SGCD: variants seen among roughly 807,000 people sequenced by gnomAD.
SGCD encodes the protein sarcoglycan delta.
In SGCD, 18 loss-of-function variants were observed where a neutral mutation model predicts 36.6. The ratio of observed to expected loss-of-function variants is 0.49; its 90% CI spans 0.34 to 0.73. The LOEUF is 0.73. SGCD is among the 30% of genes least tolerant of loss of function. SGCD has a pLI of 0.01. For missense variants in SGCD, 387 were observed against 346.7 expected, an observed-to-expected ratio of 1.12 and a Z score of -0.92; for synonymous variants, 133 against 130.6, an observed-to-expected ratio of 1.02 and a Z score of -0.12.
At chr5:156,239,356 C>G (rs553388567) in intron 3 of SGCD, among the ~76,000 whole-genome samples, 1 of 139,738 alleles carries the variant, frequency 7.2e-6, no homozygotes, top group African/African-American at 2.7e-5. Context: ...GCAGAGATTG[C>G]GCCACTGCCC....
chr5:155,852,473 T>C, the SGCD span, among the ~76,000 whole-genome samples: 1 of 152,196 alleles, frequency 6.6e-6, no homozygotes, highest in African/African-American at 2.4e-5. Context: ...TTCTTGAAGA[T>C]AATAGCCTAA....
At chr5:156,159,431 G>C (rs1332530781) in intron 3 of SGCD, among the ~76,000 whole-genome samples, 3 of 151,236 alleles carry the variant, frequency 2.0e-5, no homozygotes, top group Middle Eastern at 3.2e-3. Context: ...CTGGAAATTT[G>C]AGTCTCAGCC....
chr5:156,687,112 T>A (rs1323553938), intron 7 of SGCD, among the ~76,000 whole-genome samples: 3 of 152,064 alleles, frequency 2.0e-5, no homozygotes, highest in Non-Finnish European at 4.4e-5. Flanking sequence ...AATAATGGAT[T>A]TATAGAAATA....
At chr5:156,079,422 A>G (rs79631630) in intron 1 of SGCD, among the ~76,000 whole-genome samples, 10,088 of 152,240 alleles carry the variant, frequency 0.066, 1,066 homozygotes, top group African/African-American at 0.22. Context: ...CTAACAGTCC[A>G]CCAAAGCTTA....
At chr5:156,757,830 T>C in intron 8 of SGCD, 126 bp downstream of exon 8, 1 of 1,358,624 alleles carries the variant, frequency 7.4e-7, no homozygotes, top group South Asian at 2.3e-5. Context: ...CAGGTTTTAT[T>C]TCTGAAACAA....
At chr5:156,159,641 A>C (rs1763043779) in intron 3 of SGCD, among the ~76,000 whole-genome samples, 1 of 151,704 alleles carries the variant, frequency 6.6e-6, no homozygotes, top group Non-Finnish European at 1.5e-5. Flanking sequence ...AGCTAGAATA[A>C]ACATTGGATA....
intron 6 of SGCD, among the ~76,000 whole-genome samples, chr5:156,626,215 G>A (rs1054967509): frequency 1.3e-5 from 2 of 152,148 alleles, no homozygotes; most frequent in African/African-American, 4.8e-5. Flanking sequence ...TGACTGCAGC[G>A]CCCCTGTAAA....
At chr5:155,935,859 C>T (rs553378501) in intron 1 of SGCD, among the ~76,000 whole-genome samples, 8 of 152,278 alleles carry the variant, frequency 5.3e-5, no homozygotes, top group South Asian at 2.1e-4. Context: ...CAAGGGTGAG[C>T]GGAGTTGTCA....
intron 3 of SGCD, among the ~76,000 whole-genome samples, chr5:156,202,352 A>G (rs867109151): frequency 2.0e-5 from 3 of 152,182 alleles, no homozygotes; most frequent in African/African-American, 7.2e-5. Context: ...CTGTTTTACA[A>G]TTTTAAATTT....
rs528397283 is a variant in SGCD, at chr5:156,139,333, T to C, written c.-44+15314T>C. Among the ~76,000 whole-genome samples, 21 of 147,066 alleles carry C rather than the reference T, an allele frequency of 1.4e-4. No individual in the cohort carries two copies. The South Asian group carries it at 3.1e-3, about 21-fold the overall frequency. Reference sequence around the variant, plus strand: ...TTATATTTAGGGTAGCAGTCTATCTTGAATTAATTTTTGTAGTTTGGGCTT... The same window carrying C: ...TTATATTTAGGGTAGCAGTCTATCTCGAATTAATTTTTGTAGTTTGGGCTT... On this transcript the variant is annotated intron_variant, in intron 3 of 9. Coordinates refer to the SGCD transcript ENST00000517913.
At chr5:156,411,101 T>C (rs1002550908) in intron 3 of SGCD, among the ~76,000 whole-genome samples, 1 of 152,244 alleles carries the variant, frequency 6.6e-6, no homozygotes. Flanking sequence ...GATGTTTTAT[T>C]TCTTTGATGC....
chr5:156,384,260 C>G (rs1561660350), intron 3 of SGCD, among the ~76,000 whole-genome samples: 1 of 152,214 alleles, frequency 6.6e-6, no homozygotes, highest in Non-Finnish European at 1.5e-5. Flanking sequence ...GTCTACTTTA[C>G]TCTTTCTTAG....
At chr5:155,970,735 C>T (rs573164678) in intron 1 of SGCD, among the ~76,000 whole-genome samples, 30 of 152,248 alleles carry the variant, frequency 2.0e-4, no homozygotes, top group African/African-American at 6.5e-4. Flanking sequence ...TTATGCTATG[C>T]ATCTGTGTGT....
intron 7 of SGCD, among the ~76,000 whole-genome samples, chr5:156,714,697 A>C (rs1755142407): frequency 6.6e-6 from 1 of 152,218 alleles, no homozygotes; most frequent in African/African-American, 2.4e-5. Context: ...ATTAATGAGA[A>C]TTGATCGGAC....
chr5:156,199,102 C>T (rs1764085817), intron 3 of SGCD, among the ~76,000 whole-genome samples: 1 of 152,116 alleles, frequency 6.6e-6, no homozygotes, highest in Non-Finnish European at 1.5e-5. Context: ...CATACCTTCG[C>T]ACCTCAGTGA....
At chr5:155,938,057 G>A (rs748497519) in intron 1 of SGCD, among the ~76,000 whole-genome samples, 8 of 152,168 alleles carry the variant, frequency 5.3e-5, no homozygotes, top group Non-Finnish European at 1.0e-4. Flanking sequence ...GTCACATACA[G>A]ACATGAACGC....
rs116696314 is a variant in SGCD at position 156,047,613 on chromosome 5, T to C, written c.-281-70265T>C. ...TCTGTTTATAGCATGGCTAATTGAA[T>C]ATTTTAAGCCTGCTGCTAAGACTTA... On this transcript the variant is annotated intron_variant, in intron 1 of 9. Coordinates refer to the SGCD transcript ENST00000517913. 6.7e-3 allele frequency among the ~76,000 whole-genome samples: 1,022 copies of C among 152,246 alleles called. 6 individuals are homozygous for C. The highest frequency in any genetic ancestry group is 0.023 in the African/African-American group (945 of 41,546).
At chr5:155,817,315 C>T in the SGCD span, among the ~76,000 whole-genome samples, 4 of 151,466 alleles carry the variant, frequency 2.6e-5, no homozygotes, top group Admixed American at 2.0e-4. Flanking sequence ...AGGGTTAGAA[C>T]ATTTTTATAG....
chr5:156,263,707 G>C (rs1280382495), intron 3 of SGCD, among the ~76,000 whole-genome samples: 1 of 152,110 alleles, frequency 6.6e-6, no homozygotes, highest in Non-Finnish European at 1.5e-5. Context: ...TTATCTTCTA[G>C]AATTTTTATG....
Sources: gnomAD v4.1 joint callset for allele counts (sites outside exome capture counted in the v4.1 genomes callset) on GRCh38, gnomAD v4.1.1 for gene constraint, MANE v1.5 for transcripts, NCBI Gene and HGNC (gene_info 2026-07-23, HGNC 2026-07-21) for gene names.